Variants in SBF2 observed in about 807,000 individuals in gnomAD.
The protein encoded by SBF2 is myotubularin-related protein 13.
A neutral mutation model predicts 225.2 loss-of-function variants in SBF2; 112 were observed. The observed-to-expected ratio is 0.50, with a 90% CI of 0.43 to 0.58. SBF2 has a LOEUF of 0.58. SBF2 is among the 20% of genes least tolerant of loss of function. The probability of loss-of-function intolerance (pLI) is 0.00; values close to 1 mark genes in which losing one functional copy is unlikely to be tolerated. For missense variants in SBF2, 1,996 were observed against 2,206.2 expected (o/e 0.90, Z 1.91); for synonymous variants, 763 against 773.3 (o/e 0.99, Z 0.22).
At chr11:9,821,457 T>C (rs957584523) in intron 28 of SBF2, among the ~76,000 whole-genome samples, 7 of 152,176 alleles carry the variant, frequency 4.6e-5, no homozygotes, top group African/African-American at 1.7e-4. Flanking sequence ...AGTACTGATA[T>C]GGGGCCAGCA....
chr11:9,837,281 C>T (rs1448013661), intron 26 of SBF2, among the ~76,000 whole-genome samples: 1 of 152,152 alleles, frequency 6.6e-6, no homozygotes, highest in African/African-American at 2.4e-5. Flanking sequence ...TTCTCTGAGG[C>T]CTTCAGGGCG....
At chr11:10,222,345 T>C (rs538693801) in intron 1 of SBF2, among the ~76,000 whole-genome samples, 11 of 152,294 alleles carry the variant, frequency 7.2e-5, no homozygotes, top group Non-Finnish European at 1.3e-4. Flanking sequence ...GGAATCAGCA[T>C]AGATTTTCAA....
chr11:9,789,979 G>A (rs1243969092), intron 34 of SBF2, among the ~76,000 whole-genome samples: 1 of 152,208 alleles, frequency 6.6e-6, no homozygotes, highest in Admixed American at 6.5e-5. Flanking sequence ...GCTGGAGGAA[G>A]GCCAGACTAG....
At position 9,873,023 on chromosome 11, in the gene SBF2, G is replaced by A. The variant is rs150882206; in HGVS notation, c.1930-14627C>T. Among the ~76,000 whole-genome samples, 203 of 151,746 alleles carry A rather than the reference G, an allele frequency of 1.3e-3. 1 individual carries two copies. The highest frequency in any genetic ancestry group is 2.5e-3 in the Non-Finnish European group (172 of 67,908). Reference sequence around the variant, plus strand: ...AGATCGAGACCTTCCTGGCTAACACGGTGAAACACTGTCTCTACCAAAAAT... The same window carrying A: ...AGATCGAGACCTTCCTGGCTAACACAGTGAAACACTGTCTCTACCAAAAAT... On this transcript the variant is annotated intron_variant, in intron 17 of 39. Coordinates refer to ENST00000256190, the MANE Select transcript of SBF2 (RefSeq NM_030962.4).
intron 16 of SBF2, chr11:9,956,685 A>G (rs777908553): frequency 6.6e-6 from 1 of 151,672 alleles, no homozygotes; most frequent in Non-Finnish European, 1.5e-5. Flanking sequence ...GTACTTGGCG[A>G]TTAGAAGTCA....
chr11:9,980,782 G>A (rs905512552), intron 13 of SBF2, among the ~76,000 whole-genome samples: 2 of 150,294 alleles, frequency 1.3e-5, no homozygotes, highest in African/African-American at 4.9e-5. Flanking sequence ...GTTTCACTGT[G>A]GTCTCGATCT....
chr11:10,219,879 T>A (rs1958278990), intron 1 of SBF2, among the ~76,000 whole-genome samples: 1 of 152,180 alleles, frequency 6.6e-6, no homozygotes, highest in Non-Finnish European at 1.5e-5. Context: ...ATTCAACAAG[T>A]CTCTAGGAAG....
At position 9,968,549 on chromosome 11, in the gene SBF2, T is replaced by C. The variant is rs1867116837; in HGVS notation, c.1396-4A>G. On this transcript the variant is annotated splice_region_variant and splice_polypyrimidine_tract_variant and intron_variant, in intron 13 of 39. Transcript: ENST00000256190. Reference sequence around the variant, plus strand: ...CCATATGAGGATTTGGATTCTCCTGTAATATCAGACATAGGTAAAATTACT... The same window carrying C: ...CCATATGAGGATTTGGATTCTCCTGCAATATCAGACATAGGTAAAATTACT... 1 of 1,610,382 alleles carries C rather than the reference T, an allele frequency of 6.2e-7. No individual in the cohort carries two copies. The highest frequency in any genetic ancestry group is 8.5e-7 in the Non-Finnish European group (1 of 1,176,598).
rs1478668609 is a variant in SBF2, at chr11:10,141,165, T to C, written c.141+52737A>G. On this transcript the variant is annotated intron_variant, in intron 2 of 39. Coordinates refer to ENST00000256190, the MANE Select transcript of SBF2 (RefSeq NM_030962.4). The stretch of plus-strand genomic sequence containing the variant: ...GAATAAAAGCATAGAACCCATGTAA[T>C]AGCTACAGTGTCATGTTTTGTATTC... 5.3e-5 allele frequency among the ~76,000 whole-genome samples: 8 copies of C among 152,270 alleles called. No homozygotes were observed. The East Asian group carries it at 1.4e-3, about 26-fold the overall frequency.
chr11:10,158,316 A>G (rs1013765309), intron 2 of SBF2, among the ~76,000 whole-genome samples: 1 of 152,112 alleles, frequency 6.6e-6, no homozygotes, highest in Non-Finnish European at 1.5e-5. Context: ...GCGGAAGAAA[A>G]GAAAATAATA....
intron 16 of SBF2, among the ~76,000 whole-genome samples, chr11:9,939,257 G>A (rs1470978309): frequency 3.9e-5 from 6 of 151,954 alleles, no homozygotes; most frequent in Admixed American, 6.6e-5. Flanking sequence ...CACCACGCCC[G>A]GCTAATTTTT....
intron 16 of SBF2, among the ~76,000 whole-genome samples, chr11:9,932,218 T>C (rs1864547197): frequency 1.3e-5 from 2 of 152,130 alleles, no homozygotes; most frequent in Admixed American, 6.5e-5. Flanking sequence ...CAGGATATCA[T>C]CCAGGAGAAC....
chr11:10,039,807 A>C (rs999837746), intron 3 of SBF2, among the ~76,000 whole-genome samples: 2 of 151,934 alleles, frequency 1.3e-5, no homozygotes, highest in East Asian at 1.9e-4. Flanking sequence ...GTTAAAAAGT[A>C]CTTTTTCTAA....
At chr11:10,210,847 T>C (rs1957916445) in intron 1 of SBF2, among the ~76,000 whole-genome samples, 1 of 151,772 alleles carries the variant, frequency 6.6e-6, no homozygotes, top group South Asian at 2.1e-4. Flanking sequence ...ACCCCGTCTC[T>C]GCTGAAAGTA....
intron 2 of SBF2, among the ~76,000 whole-genome samples, chr11:10,131,380 G>A (rs1954044668): frequency 6.6e-6 from 1 of 151,832 alleles, no homozygotes; most frequent in African/African-American, 2.4e-5. Flanking sequence ...TGTGTCTTTT[G>A]CACATTTTCT....
intron 1 of SBF2, among the ~76,000 whole-genome samples, chr11:10,237,184 T>C (rs200056166): frequency 1.1e-3 from 160 of 152,180 alleles, no homozygotes; most frequent in Non-Finnish European, 1.9e-3. Flanking sequence ...CCATCTCTAC[T>C]AAAAACACAA....
At chr11:10,226,451 G>A (rs577675184) in intron 1 of SBF2, among the ~76,000 whole-genome samples, 2 of 152,000 alleles carry the variant, frequency 1.3e-5, no homozygotes, top group African/African-American at 4.8e-5. Flanking sequence ...TTTAGCATTA[G>A]GTGTATCTCC....
chr11:9,984,183 A>T (rs1457947578), intron 13 of SBF2, among the ~76,000 whole-genome samples: 1 of 152,242 alleles, frequency 6.6e-6, no homozygotes, highest in Non-Finnish European at 1.5e-5. Context: ...AAAAAATGAT[A>T]CAAGAAGTGA....
chr11:10,126,855 A>T (rs1295121533), intron 2 of SBF2, among the ~76,000 whole-genome samples: 5 of 152,138 alleles, frequency 3.3e-5, no homozygotes, highest in African/African-American at 1.2e-4. Context: ...ATTCATGTTT[A>T]AAAAGGAAAG....
Sources: allele counts gnomAD v4.1 joint callset (sites outside exome capture counted in the v4.1 genomes callset), GRCh38; gene constraint gnomAD v4.1.1; transcripts MANE v1.5; gene names NCBI Gene and HGNC (gene_info 2026-07-23, HGNC 2026-07-21).